SLC25A24: variants seen among roughly 807,000 people sequenced by gnomAD.
The protein encoded by SLC25A24 is solute carrier family 25 member 24.
In SLC25A24, 49 loss-of-function variants were observed where a neutral mutation model predicts 60.7. The ratio of observed to expected loss-of-function variants is 0.81; its 90% CI spans 0.64 to 1.02. The LOEUF is 1.02. Among genes scored for constraint, SLC25A24 ranks in the 50% least tolerant of loss-of-function variants. SLC25A24 has a pLI of 0.00. For missense variants in SLC25A24, 564 were observed against 586.3 expected, an observed-to-expected ratio of 0.96 and a Z score of 0.39; for synonymous variants, 202 against 200.6, an observed-to-expected ratio of 1.01 and a Z score of -0.06.
At chr1:108,153,054 C>G (rs1679799144) in intron 6 of SLC25A24, among the ~76,000 whole-genome samples, 1 of 152,048 alleles carries the variant, frequency 6.6e-6, no homozygotes, top group African/African-American at 2.4e-5. Context: ...GTCATGCAAG[C>G]AGAGATGCTG....
chr1:108,144,552 G>C (rs1679535127), intron 7 of SLC25A24, among the ~76,000 whole-genome samples: 1 of 152,064 alleles, frequency 6.6e-6, no homozygotes, highest in African/African-American at 2.4e-5. Context: ...CCTACATTAG[G>C]TATTTCTTCT....
At chr1:108,160,176 C>T (rs1468186298) in intron 4 of SLC25A24, among the ~76,000 whole-genome samples, 1 of 151,526 alleles carries the variant, frequency 6.6e-6, no homozygotes, top group African/African-American at 2.4e-5. Flanking sequence ...GGCTGCCGGG[C>T]GGAGGGTCTC....
intron 3 of SLC25A24, among the ~76,000 whole-genome samples, chr1:108,176,174 T>C (rs1463143823): frequency 6.7e-6 from 1 of 149,448 alleles, no homozygotes; most frequent in Non-Finnish European, 1.5e-5. Flanking sequence ...AATAAAGAGA[T>C]GAAATAATAA....
At chr1:108,199,756 G>C (rs975609437) in intron 1 of SLC25A24, 200 bp downstream of exon 1, 3 of 595,786 alleles carry the variant, frequency 5.0e-6, no homozygotes, top group Admixed American at 3.0e-5. Context: ...GTAGACTTTC[G>C]TATTATGACC....
chr1:108,181,816 C>CA (rs1647940007), intron 3 of SLC25A24, 125 bp downstream of exon 3: 1 of 703,366 alleles, frequency 1.4e-6, no homozygotes, highest in Non-Finnish European at 2.5e-6. Context: ...GGAAAAAAGA[C>CA]AAAAAGATCT....
chr1:108,173,203 C>A (rs1647524876), intron 3 of SLC25A24, among the ~76,000 whole-genome samples: 2 of 151,652 alleles, frequency 1.3e-5, no homozygotes, highest in Non-Finnish European at 2.9e-5. Flanking sequence ...TGTGTCCCCA[C>A]CCAAATCTCA....
chr1:108,160,843 G>A (rs2050835), intron 4 of SLC25A24, among the ~76,000 whole-genome samples: 76,966 of 152,012 alleles, frequency 0.51, 20,065 homozygotes, highest in African/African-American at 0.63. Context: ...GCAGGCACTC[G>A]GCAGGCTGAG....
chr1:108,160,765 T>G (rs988525956), intron 4 of SLC25A24, among the ~76,000 whole-genome samples: 1 of 152,154 alleles, frequency 6.6e-6, no homozygotes, highest in South Asian at 2.1e-4. Context: ...CCGGCCAACA[T>G]AGCGAAACCC....
rs981316965 is a variant in SLC25A24, at chr1:108,167,102, C to T, written c.399-5809G>A. Among the ~76,000 whole-genome samples, 12 of 152,086 alleles carry T rather than the reference C, an allele frequency of 7.9e-5. No homozygotes were observed. The East Asian group carries it at 1.4e-3, about 17-fold the overall frequency. ...GGGGGTGCCTCCCAGTTAGGCTGCT[C>T]GGGCGTCAGGGGTCAGGGACCCACT... On this transcript the variant is annotated intron_variant, in intron 3 of 9. Coordinates refer to ENST00000565488, the MANE Select transcript of SLC25A24 (RefSeq NM_013386.5).
chr1:108,199,763 G>A (rs867233620), intron 1 of SLC25A24, 193 bp downstream of exon 1: 1 of 597,300 alleles, frequency 1.7e-6, no homozygotes, highest in Non-Finnish European at 3.0e-6. Flanking sequence ...TTCGTATTAT[G>A]ACCCACTTCT....
intron 7 of SLC25A24, among the ~76,000 whole-genome samples, chr1:108,145,940 A>G (rs1371990275): frequency 1.3e-5 from 2 of 152,204 alleles, no homozygotes; most frequent in African/African-American, 4.8e-5. Flanking sequence ...TCTGTGAAGA[A>G]ATTCAATGTT....
At chr1:108,199,055 G>C (rs901517207) in intron 1 of SLC25A24, 8 of 152,216 alleles carry the variant, frequency 5.3e-5, no homozygotes, top group African/African-American at 1.7e-4. Flanking sequence ...TCATCGGTGA[G>C]TATTATGAAC....
chr1:108,136,749 G>A lies in SLC25A24; in HGVS notation c.1338C>T (p.Gly446=), dbSNP rs769210704. ...GCACCTTCATGAAGTTTGGGGTGATGCCTCTGTAAAGTCCTGGTATTCCTT... is the reference window on the plus strand; with the variant it reads ...GCACCTTCATGAAGTTTGGGGTGATACCTCTGTAAAGTCCTGGTATTCCTT... ...SKEGIPGLYR[G]ITPNFMKVLP... The change falls in exon 10 of 10, where the codon GGC becomes GGT. Residue 446 remains glycine, a synonymous_variant. Transcript: ENST00000565488. 11 of 1,613,840 alleles carry A rather than the reference G, an allele frequency of 6.8e-6. No individual in the cohort carries two copies. Among genetic ancestry groups the A allele is most frequent in the East Asian group, 2.2e-5 (1 of 44,886 alleles).
At chr1:108,141,164 C>T (rs11809034) in intron 8 of SLC25A24, among the ~76,000 whole-genome samples, 39,456 of 152,004 alleles carry the variant, frequency 0.26, 5,242 homozygotes, top group Middle Eastern at 0.28. Flanking sequence ...ACAAAATAGA[C>T]TTTAAGACAC....
intron 2 of SLC25A24, among the ~76,000 whole-genome samples, chr1:108,183,311 T>G (rs951558706): frequency 1.3e-5 from 2 of 152,172 alleles, no homozygotes; most frequent in African/African-American, 4.8e-5. Flanking sequence ...CATCTGTTAG[T>G]AAAGAAATTA....
At chr1:108,198,796 C>G (rs1235613028) in intron 1 of SLC25A24, 8 of 152,196 alleles carry the variant, frequency 5.3e-5, no homozygotes, top group African/African-American at 1.2e-4. Context: ...AGCCTCTAAC[C>G]CTGGCATCTG....
At chr1:108,166,824 T>C (rs1471556684) in intron 3 of SLC25A24, among the ~76,000 whole-genome samples, 2 of 152,230 alleles carry the variant, frequency 1.3e-5, no homozygotes, top group African/African-American at 4.8e-5. Context: ...CTTTGTTCCG[T>C]TGCTGGTGAG....
chr1:108,164,661 T>C (rs367628436), intron 3 of SLC25A24, among the ~76,000 whole-genome samples: 2 of 150,382 alleles, frequency 1.3e-5, no homozygotes, highest in African/African-American at 2.5e-5. Context: ...TTTTTTATTG[T>C]GTCTATTTGA....
In SLC25A24 at chr1:108,144,168, C is replaced by T. The variant is rs912069859; in HGVS notation, c.931-458G>A. 1.1e-4 allele frequency among the ~76,000 whole-genome samples: 16 copies of T among 152,138 alleles called. No homozygotes were observed. The East Asian group carries it at 2.9e-3, about 28-fold the overall frequency. On this transcript the variant is annotated intron_variant, in intron 7 of 9. Coordinates refer to ENST00000565488, the MANE Select transcript of SLC25A24 (RefSeq NM_013386.5). ...TGAGAGGTGTGTGGAGTAATATAAA[C>T]AATCATATTAAGATGCTTAAAAAAA...
Sources: allele counts gnomAD v4.1 joint callset (sites outside exome capture counted in the v4.1 genomes callset), GRCh38; gene constraint gnomAD v4.1.1; transcripts MANE v1.5; gene names NCBI Gene and HGNC (gene_info 2026-07-23, HGNC 2026-07-21).